Variants in PJVK observed in about 807,000 individuals in gnomAD.
PJVK encodes pejvakin, also known as autosomal recessive deafness type 59 protein.
PJVK carries 33 observed loss-of-function variants against 37.6 expected under a neutral mutation model. That is an observed-to-expected ratio of 0.88 (90% CI 0.67 to 1.17). PJVK has a LOEUF of 1.17. PJVK is among the 50% of genes most tolerant of loss of function. The pLI, the probability that PJVK is intolerant of heterozygous loss-of-function variation, is 0.00. For missense variants in PJVK, 410 were observed against 413.8 expected, an observed-to-expected ratio of 0.99 and a Z score of 0.08; for synonymous variants, 141 against 143.5, an observed-to-expected ratio of 0.98 and a Z score of 0.13.
Position 178,454,517 on chromosome 2 carries a change from A to G in PJVK, c.397A>G (p.Ile133Val), listed in dbSNP as rs763456562. ...GGAAGTATCAACATTACTCAAAGAA[A>G]TTACTACACGGTCAGTATAATAATC... is the stretch of plus-strand genomic sequence containing the variant. ...EVEVSTLLKE[I>V]TTRKINFDHS... The change falls in exon 3 of 7, where the codon ATT becomes GTT. Residue 133 changes from isoleucine to valine, a missense_variant. Physicochemically the swap from Ile to Val is conservative, Grantham distance 29. Coordinates refer to ENST00000644580, the MANE Select transcript of PJVK (RefSeq NM_001042702.5). The G allele has an allele frequency of 1.2e-6, 2 of 1,613,604 alleles. No homozygotes were observed. Among genetic ancestry groups the G allele is most frequent in the East Asian group, 2.2e-5 (1 of 44,824 alleles).
At chr2:178,454,556 G>T in intron 3 of PJVK, 29 bp downstream of exon 3, 2 of 1,597,148 alleles carry the variant, frequency 1.3e-6, no homozygotes, top group Non-Finnish European at 1.7e-6. Flanking sequence ...ATATATTTCA[G>T]TGTTTTCATT....
At position 178,461,467 on chromosome 2, in the gene PJVK, T is replaced by C. The variant is rs1449662271; in HGVS notation, c.*193T>C. The stretch of plus-strand genomic sequence containing the variant: ...GTAGTGTCTATTTCTTAAGTTGTCA[T>C]GAAAATTAATAACATTGTTTATATC... On this transcript the variant is annotated 3_prime_UTR_variant, in exon 7 of 7. Coordinates refer to ENST00000644580, the MANE Select transcript of PJVK (RefSeq NM_001042702.5). The C allele has an allele frequency of 1.0e-5, 6 of 576,644 alleles. No individual in the cohort carries two copies. The highest frequency in any genetic ancestry group is 1.2e-5 in the Non-Finnish European group (4 of 332,984). 35.7% of individuals were successfully genotyped at this position (576,644 alleles called of 1,614,324 possible).
At chr2:178,458,981 G>A (rs1684305321) in intron 5 of PJVK, among the ~76,000 whole-genome samples, 2 of 152,210 alleles carry the variant, frequency 1.3e-5, no homozygotes, top group Non-Finnish European at 1.5e-5. Context: ...AAACAGAGGA[G>A]TAGGTAGATA....
At position 178,453,414 on chromosome 2, in the gene PJVK, T is replaced by A; in HGVS notation, c.5T>A (p.Phe2Tyr). The A allele has an allele frequency of 1.2e-6, 2 of 1,614,104 alleles. No homozygotes were observed. Residue 2 changes from phenylalanine (F) to tyrosine (Y), a missense_variant, in exon 2 of 7, where the codon TTT becomes TAT. Transcript: ENST00000644580. ...TGATGACGTTTTGATTTTAATATGT[T>A]TGCTGCTGCTACCAAGAGCTTTGTC... M[F>Y]AAATKSFVKQ...
chr2:178,453,219 AATTC>A (rs1697820489), intron 1 of PJVK, 165 bp from the exon 2 acceptor site: 2 of 597,772 alleles, frequency 3.3e-6, no homozygotes, highest in African/African-American at 3.7e-5. Context: ...GTTGATCTAT[AATTC>A]ATTACCTGAG....
At chr2:178,460,830 CAG>C in intron 6 of PJVK, 150 bp from the exon 7 acceptor site, 1 of 696,058 alleles carries the variant, frequency 1.4e-6, no homozygotes, top group Non-Finnish European at 2.1e-6. Context: ...GCTTGGGTGA[CAG>C]AGCCAGACCC....
At chr2:178,455,055 A>C (rs868831303) in intron 3 of PJVK, 73 of 1,368,334 alleles carry the variant, frequency 5.3e-5, no homozygotes, top group East Asian at 2.1e-4. Flanking sequence ...CGGCACCTCC[A>C]GGTGGGGCTC....
At chr2:178,457,688 G>C (rs1007643655) in intron 4 of PJVK, among the ~76,000 whole-genome samples, 11 of 152,152 alleles carry the variant, frequency 7.2e-5, no homozygotes, top group African/African-American at 2.4e-4. Context: ...CCGGGGCCAC[G>C]GGCTCAGCTG....
intron 5 of PJVK, 36 bp downstream of exon 5, chr2:178,458,663 T>C (rs1684282720): frequency 6.7e-7 from 1 of 1,484,734 alleles, no homozygotes; most frequent in Admixed American, 1.7e-5. Flanking sequence ...CAAATGATTA[T>C]ATTTTTAAGG....
Position 178,456,089 on chromosome 2 carries a change from A to G in PJVK, c.487A>G (p.Ile163Val). 6.2e-7 allele frequency: 1 copy of G among 1,614,206 alleles called. No homozygotes were observed. The highest frequency in any genetic ancestry group is 8.5e-7 in the Non-Finnish European group (1 of 1,180,014). The change falls in exon 4 of 7, where the codon ATC becomes GTC. Residue 163 changes from isoleucine (I) to valine (V), a missense_variant. By Grantham distance (29) the Ile-to-Val change is conservative (BLOSUM62 3). Transcript: ENST00000644580. ...KAVLCVVMESIRTTRQCSLSV... is the reference protein window; with the variant it reads ...KAVLCVVMESVRTTRQCSLSV... ...AGTATTGTGTGTGGTCATGGAGAGC[A>G]TCCGAACCACACGACAGTGCTCACT...
intron 5 of PJVK, chr2:178,460,041 C>G: frequency 3.1e-6 from 1 of 320,932 alleles, no homozygotes; most frequent in South Asian, 3.5e-5. Flanking sequence ...ATGCATCTTT[C>G]TTTATGCTTA....
intron 1 of PJVK, chr2:178,452,207 C>T (rs112874823): frequency 2.3e-5 from 17 of 754,050 alleles, no homozygotes; most frequent in African/African-American, 1.9e-4. Flanking sequence ...GCAGGAGAAT[C>T]GCTTGAACCC....
chr2:178,454,756 A>T, intron 3 of PJVK: 1 of 1,576,250 alleles, frequency 6.3e-7, no homozygotes, highest in Non-Finnish European at 8.6e-7. Flanking sequence ...GAGCTAACTG[A>T]TGAAGAGGCA....
chr2:178,456,732 A>C (rs1406854196), intron 4 of PJVK, among the ~76,000 whole-genome samples: 1 of 152,046 alleles, frequency 6.6e-6, no homozygotes, highest in Non-Finnish European at 1.5e-5. Context: ...GTGCCATTGC[A>C]CTCTAACCTG....
In PJVK at chr2:178,453,595, C is replaced by G. The variant is rs1697850810; in HGVS notation, c.186C>G (p.Leu62=). Residue 62 remains leucine (L), a synonymous_variant, in exon 2 of 7, where the codon CTC becomes CTG. Coordinates refer to ENST00000644580, the MANE Select transcript of PJVK (RefSeq NM_001042702.5). ...CACCTTTTACACTGAAAGATATTCT[C>G]CTAGGAGACAGAGAAATTTCAGCTG... ...TSTPFTLKDI[L]LGDREISAGI... 1.9e-6 allele frequency: 3 copies of G among 1,613,400 alleles called. No individual in the cohort carries two copies. Among genetic ancestry groups the G allele is most frequent in the Admixed American group, 3.3e-5 (2 of 59,976 alleles).
intron 3 of PJVK, chr2:178,454,845 TC>T: frequency 2.7e-6 from 3 of 1,130,280 alleles, no homozygotes. Context: ...CAGCCTTGAC[TC>T]CCCAGGGAAG....
At chr2:178,459,632 G>C (rs1261198416) in intron 5 of PJVK, among the ~76,000 whole-genome samples, 1 of 152,148 alleles carries the variant, frequency 6.6e-6, no homozygotes, top group Admixed American at 6.5e-5. Context: ...TATTTTGACT[G>C]TAGTCACCCT....
chr2:178,454,330 A>G lies in PJVK; in HGVS notation c.212-2A>G. On this transcript the variant is annotated splice_acceptor_variant, in intron 2 of 6. Coordinates refer to ENST00000644580, the MANE Select transcript of PJVK (RefSeq NM_001042702.5). LOFTEE classifies it high-confidence loss of function. ...AAAAATACTGAGTTTCTTCTTATAA[A>G]GGTATTTCATCTTATCAATTACTGA... 1 of 1,609,582 alleles carries G rather than the reference A, an allele frequency of 6.2e-7. No homozygotes were observed. The highest frequency in any genetic ancestry group is 8.5e-7 in the Non-Finnish European group (1 of 1,176,860).
chr2:178,460,467 T>C (rs1360629245), intron 6 of PJVK, 21 bp downstream of exon 6: 9 of 1,591,632 alleles, frequency 5.7e-6, no homozygotes, highest in African/African-American at 4.0e-5. Context: ...TGAAGAGTAC[T>C]GTGAATGTCT....
Sources: gnomAD v4.1 joint callset for allele counts (sites outside exome capture counted in the v4.1 genomes callset) on GRCh38, gnomAD v4.1.1 for gene constraint, MANE v1.5 for transcripts, NCBI Gene and HGNC (gene_info 2026-07-23, HGNC 2026-07-21) for gene names.